AUTS2: variants seen among roughly 807,000 people sequenced by gnomAD.
AUTS2 encodes the protein activator of transcription and developmental regulator AUTS2.
In AUTS2, 17 loss-of-function variants were observed where a neutral mutation model predicts 112.4. The ratio of observed to expected loss-of-function variants is 0.15; its 90% CI spans 0.10 to 0.23. The LOEUF (loss-of-function observed/expected upper bound fraction) is 0.23, where lower values mean the gene tolerates loss of function less well. AUTS2 is among the 10% of genes least tolerant of loss of function. The pLI, the probability that AUTS2 is intolerant of heterozygous loss-of-function variation, is 1.00. For missense variants in AUTS2, 1,510 were observed against 1,701.6 expected (o/e 0.89, Z 1.98); for synonymous variants, 751 against 702.7 (o/e 1.07, Z -1.09).
chr7:69,887,277 A>C (rs997283410), intron 1 of AUTS2, among the ~76,000 whole-genome samples: 1 of 151,958 alleles, frequency 6.6e-6, no homozygotes. Context: ...TTAGCCGGGC[A>C]TGGTGATGTA....
chr7:70,436,122 G>A (rs532912005), intron 5 of AUTS2: 5 of 233,164 alleles, frequency 2.1e-5, no homozygotes, highest in African/African-American at 4.5e-5. Flanking sequence ...TGATGAGAAC[G>A]TTAAACTTGC....
intron 2 of AUTS2, among the ~76,000 whole-genome samples, chr7:69,937,566 G>T (rs775832684): frequency 6.6e-6 from 1 of 152,130 alleles, no homozygotes; most frequent in Non-Finnish European, 1.5e-5. Context: ...TTGGATGGGG[G>T]TGCTTCTGGA....
At chr7:69,716,554 A>T (rs1247562428) in intron 1 of AUTS2, among the ~76,000 whole-genome samples, 1 of 152,122 alleles carries the variant, frequency 6.6e-6, no homozygotes, top group East Asian at 1.9e-4. Context: ...CCCACACACC[A>T]AGCAGTTCTC....
At chr7:70,591,336 C>A (rs1802933169) in intron 5 of AUTS2, among the ~76,000 whole-genome samples, 1 of 152,236 alleles carries the variant, frequency 6.6e-6, no homozygotes. Context: ...CCACACCAGG[C>A]TACTCCTTGA....
rs1799542028 is a variant in AUTS2, at chr7:70,519,128, T to G, written c.690+83347T>G. ...CTCTTTCTTTTACATCTACTCTGTA[T>G]CTTCTTCCTAATTAAGAATAGTTGG... On this transcript the variant is annotated intron_variant, in intron 5 of 18. Coordinates refer to ENST00000342771, the MANE Select transcript of AUTS2 (RefSeq NM_015570.4). Among the ~76,000 whole-genome samples, 2 of 152,196 alleles carry G rather than the reference T, an allele frequency of 1.3e-5. 1 individual carries two copies. The highest frequency in any genetic ancestry group is 4.8e-5 in the African/African-American group (2 of 41,442).
chr7:70,674,508 G>A (rs1807812028), intron 5 of AUTS2, among the ~76,000 whole-genome samples: 1 of 152,150 alleles, frequency 6.6e-6, no homozygotes, highest in Non-Finnish European at 1.5e-5. Context: ...AGTGAGGGTG[G>A]GGTAGGCGAG....
chr7:69,948,403 A>C (rs1201079030), intron 2 of AUTS2, among the ~76,000 whole-genome samples: 1 of 152,204 alleles, frequency 6.6e-6, no homozygotes, highest in Non-Finnish European at 1.5e-5. Context: ...TATTTTCTCA[A>C]ATACTGGGAA....
chr7:69,985,412 C>T (rs182071247), intron 2 of AUTS2, among the ~76,000 whole-genome samples: 1 of 152,182 alleles, frequency 6.6e-6, no homozygotes, highest in East Asian at 1.9e-4. Flanking sequence ...TTGCAGGATA[C>T]ATTGTGGTGA....
chr7:70,043,427 A>G (rs1032323766), intron 2 of AUTS2, among the ~76,000 whole-genome samples: 2 of 152,030 alleles, frequency 1.3e-5, no homozygotes, highest in Non-Finnish European at 2.9e-5. Flanking sequence ...TATGAAGAAC[A>G]GACAATGTTT....
rs1459662713 is a variant in AUTS2, at chr7:70,350,284, G to A, written c.661-85468G>A. Among the ~76,000 whole-genome samples, 5 of 152,116 alleles carry A rather than the reference G, an allele frequency of 3.3e-5. No homozygotes were observed. The East Asian group carries it at 9.6e-4, about 29-fold the overall frequency. ...TAATGTTTTGATATACATACAATTA[G>A]TGAAATAGCGATAATTTGATATTTC... On this transcript the variant is annotated intron_variant, in intron 4 of 18. Coordinates refer to ENST00000342771, the MANE Select transcript of AUTS2 (RefSeq NM_015570.4).
intron 4 of AUTS2, among the ~76,000 whole-genome samples, chr7:70,311,991 G>A (rs1477983062): frequency 6.6e-6 from 1 of 152,142 alleles, no homozygotes; most frequent in African/African-American, 2.4e-5. Flanking sequence ...TGAGATTATA[G>A]GCATGAGCCA....
In AUTS2 at chr7:69,707,805, A is replaced by G. The variant is rs146441659; in HGVS notation, c.309+107843A>G. ...CTCTTTAAACTGAAATATGTGCCTA[A>G]TAACACTAACTTTCTTTATTAGGGA... On this transcript the variant is annotated intron_variant, in intron 1 of 18. Coordinates refer to ENST00000342771, the MANE Select transcript of AUTS2 (RefSeq NM_015570.4). 5.3e-5 allele frequency among the ~76,000 whole-genome samples: 8 copies of G among 152,370 alleles called. No homozygotes were observed. The East Asian group carries it at 1.5e-3, about 29-fold the overall frequency.
intron 2 of AUTS2, among the ~76,000 whole-genome samples, chr7:70,049,645 T>C (rs559027437): frequency 6.6e-6 from 1 of 152,078 alleles, no homozygotes; most frequent in Non-Finnish European, 1.5e-5. Flanking sequence ...TTAACAATTT[T>C]TATTATCACC....
chr7:69,766,345 A>G (rs1788418575), intron 1 of AUTS2, among the ~76,000 whole-genome samples: 1 of 152,146 alleles, frequency 6.6e-6, no homozygotes, highest in South Asian at 2.1e-4. Flanking sequence ...TTATTCATTC[A>G]TTCCTCAGTC....
chr7:69,836,466 T>A (rs891365022), intron 1 of AUTS2, among the ~76,000 whole-genome samples: 1 of 152,202 alleles, frequency 6.6e-6, no homozygotes, highest in African/African-American at 2.4e-5. Context: ...GTTGAATTAT[T>A]TAAAGTGGAT....
At chr7:70,228,654 T>G (rs569520966) in intron 4 of AUTS2, among the ~76,000 whole-genome samples, 2 of 151,962 alleles carry the variant, frequency 1.3e-5, no homozygotes, top group Non-Finnish European at 1.5e-5. Flanking sequence ...TGACTTTGTA[T>G]TAAACTTTGT....
intron 2 of AUTS2, among the ~76,000 whole-genome samples, chr7:70,110,278 G>A (rs921820123): frequency 2.0e-5 from 3 of 152,216 alleles, no homozygotes; most frequent in Non-Finnish European, 4.4e-5. Context: ...CACTTTGGGA[G>A]GCCGATGTGG....
chr7:70,735,099 G>A (rs569606281), intron 6 of AUTS2, among the ~76,000 whole-genome samples: 11 of 152,056 alleles, frequency 7.2e-5, no homozygotes, highest in Non-Finnish European at 1.2e-4. Context: ...CGTCAATTCT[G>A]TTCATTTCAT....
intron 1 of AUTS2, among the ~76,000 whole-genome samples, chr7:69,799,409 A>C (rs1461581537): frequency 6.6e-6 from 1 of 152,092 alleles, no homozygotes; most frequent in East Asian, 1.9e-4. Context: ...CACAGTCACA[A>C]TGCCCAGCAA....
Sources: allele counts gnomAD v4.1 joint callset (sites outside exome capture counted in the v4.1 genomes callset), GRCh38; gene constraint gnomAD v4.1.1; transcripts MANE v1.5; gene names NCBI Gene and HGNC (gene_info 2026-07-23, HGNC 2026-07-21).